The following LYRM4 variants were observed in gnomAD, a reference collection of about 807,000 sequenced individuals.
The protein encoded by LYRM4 is LYR motif containing 4.
In LYRM4, 9 loss-of-function variants were observed where a neutral mutation model predicts 11.7. That is an observed-to-expected ratio of 0.77 (90% confidence interval 0.46 to 1.34). The LOEUF (loss-of-function observed/expected upper bound fraction) is 1.34. LYRM4 is among the 40% of genes most tolerant of loss of function. LYRM4 has a pLI of 0.00. For synonymous variants in LYRM4, 42 were observed against 40.4 expected (o/e 1.04, Z -0.15); for missense variants, 133 against 112.5 (o/e 1.18, Z -0.82).
At chr6:5,148,858 C>T (rs1170048054) in intron 2 of LYRM4, among the ~76,000 whole-genome samples, 4 of 152,242 alleles carry the variant, frequency 2.6e-5, no homozygotes, top group African/African-American at 4.8e-5. Context: ...TCATTTGTAG[C>T]GCGCTTCCAA....
rs1464984067 is a variant in LYRM4 at position 5,228,327 on chromosome 6, A to G, written c.87-11589T>C. Among the ~76,000 whole-genome samples, 3 of 152,000 alleles carry G rather than the reference A, an allele frequency of 2.0e-5. No homozygotes were observed. In the South Asian group the frequency reaches 6.2e-4, roughly 32 times the overall value. ...AGTCTTGCTCTATCGTCCAGGCTGCAGTGCAGTAATGCGGTCTCGGCTCAC... is the reference window on the plus strand; with the variant it reads ...AGTCTTGCTCTATCGTCCAGGCTGCGGTGCAGTAATGCGGTCTCGGCTCAC... On this transcript the variant is annotated intron_variant, in intron 1 of 2. Transcript: ENST00000330636.
At chr6:5,084,420 G>T in the LYRM4 span, among the ~76,000 whole-genome samples, 4 of 152,220 alleles carry the variant, frequency 2.6e-5, no homozygotes, top group African/African-American at 7.2e-5. Flanking sequence ...TGCTTGGGGC[G>T]CTGGCGTCCG....
chr6:5,082,005 T>G, the LYRM4 span, among the ~76,000 whole-genome samples: 1 of 152,222 alleles, frequency 6.6e-6, no homozygotes, highest in African/African-American at 2.4e-5. Context: ...GGAAGTCCCA[T>G]GCCCATCGCA....
chr6:5,067,616 G>A, the LYRM4 span, among the ~76,000 whole-genome samples: 4 of 152,200 alleles, frequency 2.6e-5, no homozygotes, highest in African/African-American at 9.6e-5. Context: ...GGTTACATGG[G>A]CTATGGGAAG....
chr6:5,151,172 C>T (rs180790248), intron 2 of LYRM4, among the ~76,000 whole-genome samples: 1 of 152,036 alleles, frequency 6.6e-6, no homozygotes, highest in African/African-American at 2.4e-5. Flanking sequence ...CAACCTCCGC[C>T]TCCTGGGTTC....
chr6:5,031,865 T>C, the LYRM4 span: 1 of 152,268 alleles, frequency 6.6e-6, no homozygotes, highest in East Asian at 1.9e-4. Context: ...AGAGTGCAAA[T>C]GACATAGCCA....
chr6:5,181,761 C>A (rs933432470), intron 2 of LYRM4, among the ~76,000 whole-genome samples: 2 of 152,204 alleles, frequency 1.3e-5, no homozygotes, highest in African/African-American at 4.8e-5. Flanking sequence ...TCAGCCTCTT[C>A]TCTTTCTAGT....
At chr6:5,157,328 G>A (rs577717215) in intron 2 of LYRM4, among the ~76,000 whole-genome samples, 11 of 152,186 alleles carry the variant, frequency 7.2e-5, no homozygotes, top group African/African-American at 2.2e-4. Context: ...TATCTGTGAC[G>A]GACTATGATG....
chr6:5,110,450 C>T (rs1474799917), intron 2 of LYRM4, among the ~76,000 whole-genome samples: 2 of 152,172 alleles, frequency 1.3e-5, no homozygotes, highest in African/African-American at 2.4e-5. Flanking sequence ...CAAGGACCGC[C>T]GCGCCGTCCA....
At chr6:5,059,028 T>G in the LYRM4 span, among the ~76,000 whole-genome samples, 1 of 152,142 alleles carries the variant, frequency 6.6e-6, no homozygotes. Context: ...GCTACTGGCT[T>G]CTTGTGTTTC....
intron 1 of LYRM4, 38 bp downstream of exon 1, chr6:5,260,605 CCCCTG>C: frequency 4.9e-6 from 4 of 822,280 alleles, no homozygotes; most frequent in Non-Finnish European, 5.8e-6. Flanking sequence ...CGGTCCCCGG[CCCCTG>C]GCCCCCCGCC....
intron 2 of LYRM4, among the ~76,000 whole-genome samples, chr6:5,208,084 T>C (rs1264463366): frequency 6.6e-6 from 1 of 152,118 alleles, no homozygotes; most frequent in African/African-American, 2.4e-5. Context: ...CCTAAAAAAA[T>C]GAGGATAAGA....
chr6:5,071,441 CA>C, the LYRM4 span, among the ~76,000 whole-genome samples: 2,458 of 152,092 alleles, frequency 0.016, 33 homozygotes, highest in Admixed American at 0.028. Flanking sequence ...CTCCAGCAAG[CA>C]GGGCTGGGAC....
chr6:5,138,060 G>A (rs1165167697), intron 2 of LYRM4, among the ~76,000 whole-genome samples: 2 of 152,144 alleles, frequency 1.3e-5, no homozygotes, highest in Non-Finnish European at 2.9e-5. Flanking sequence ...AAATACAATG[G>A]TGCTGTCTTT....
the LYRM4 span, among the ~76,000 whole-genome samples, chr6:5,069,136 A>C: frequency 6.6e-6 from 1 of 152,178 alleles, no homozygotes; most frequent in Non-Finnish European, 1.5e-5. Flanking sequence ...CCCATTGTAT[A>C]CTTAAGCTGT....
At chr6:5,060,041 AC>A in the LYRM4 span, among the ~76,000 whole-genome samples, 9 of 152,192 alleles carry the variant, frequency 5.9e-5, no homozygotes, top group African/African-American at 2.2e-4. Flanking sequence ...GGCCCCTCCA[AC>A]ATGAAATCTG....
chr6:5,123,305 G>A (rs768622135), intron 2 of LYRM4, among the ~76,000 whole-genome samples: 8 of 152,186 alleles, frequency 5.3e-5, no homozygotes, highest in Non-Finnish European at 1.2e-4. Flanking sequence ...TGGTCATGGA[G>A]AGTGGAGGTG....
At chr6:5,224,485 TC>T (rs1300229605) in intron 1 of LYRM4, among the ~76,000 whole-genome samples, 1 of 152,214 alleles carries the variant, frequency 6.6e-6, no homozygotes, top group African/African-American at 2.4e-5. Context: ...ATACTGATGT[TC>T]TTAATATTTT....
At chr6:5,186,668 A>G (rs1319830214) in intron 2 of LYRM4, 17 of 985,370 alleles carry the variant, frequency 1.7e-5, no homozygotes, top group Non-Finnish European at 2.0e-5. Flanking sequence ...AAGACAATGA[A>G]GTGAAATGTA....
Sources: allele counts gnomAD v4.1 joint callset (sites outside exome capture counted in the v4.1 genomes callset), GRCh38; gene constraint gnomAD v4.1.1; transcripts MANE v1.5; gene names NCBI Gene and HGNC (gene_info 2026-07-23, HGNC 2026-07-21).